The following NWD1 variants were observed in gnomAD, a reference collection of about 807,000 sequenced individuals.
The protein encoded by NWD1 is NACHT domain- and WD repeat-containing protein 1.
In NWD1, 129 loss-of-function variants were observed where a neutral mutation model predicts 135.1. The ratio of observed to expected loss-of-function variants is 0.96; its 90% confidence interval spans 0.83 to 1.11. NWD1 has a LOEUF of 1.11. NWD1 is among the 50% of genes least tolerant of loss of function. The pLI, the probability that NWD1 is intolerant of heterozygous loss-of-function variation, is 0.00. For synonymous variants in NWD1, 773 were observed against 786.0 expected (o/e 0.98, Z 0.28); for missense variants, 1,740 against 1,851.3 (o/e 0.94, Z 1.10).
chr19:16,746,450 G>A (rs1057429065), intron 5 of NWD1, among the ~76,000 whole-genome samples: 1 of 152,142 alleles, frequency 6.6e-6, no homozygotes, highest in South Asian at 2.1e-4. Flanking sequence ...TGAGGCAGAC[G>A]GATCACGAGG....
intron 6 of NWD1, among the ~76,000 whole-genome samples, chr19:16,758,465 A>G (rs1237321776): frequency 6.6e-6 from 1 of 151,918 alleles, no homozygotes; most frequent in Non-Finnish European, 1.5e-5. Flanking sequence ...TTTTGTAGAG[A>G]TGGGGTCTCC....
chr19:16,728,281 C>CTT (rs397859118), intron 2 of NWD1, among the ~76,000 whole-genome samples: 3,945 of 119,852 alleles, frequency 0.033, 150 homozygotes, highest in Non-Finnish European at 0.044. Flanking sequence ...GGTCACTGCT[C>CTT]TTTTTTTTTT....
At chr19:16,745,635 G>T (rs1015552628) in intron 5 of NWD1, among the ~76,000 whole-genome samples, 1 of 152,124 alleles carries the variant, frequency 6.6e-6, no homozygotes, top group Admixed American at 6.6e-5. Flanking sequence ...AGCCACTCAG[G>T]AGGCTGAGGC....
At chr19:16,745,170 C>T (rs903878081) in intron 5 of NWD1, 12 of 419,730 alleles carry the variant, frequency 2.9e-5, no homozygotes, top group African/African-American at 1.8e-4. Flanking sequence ...GAGAGCCAAG[C>T]GAAAGGGGAA....
intron 4 of NWD1, among the ~76,000 whole-genome samples, chr19:16,744,067 T>C (rs1968199182): frequency 6.6e-6 from 1 of 152,114 alleles, no homozygotes; most frequent in Non-Finnish European, 1.5e-5. Flanking sequence ...GCTAGAGTCA[T>C]TTACTTATAT....
At chr19:16,746,022 T>G (rs1252836353) in intron 5 of NWD1, among the ~76,000 whole-genome samples, 1 of 152,134 alleles carries the variant, frequency 6.6e-6, no homozygotes, top group African/African-American at 2.4e-5. Context: ...GTATAACTTT[T>G]GACTCCCCCA....
At chr19:16,729,751 C>T (rs1029150006) in intron 2 of NWD1, among the ~76,000 whole-genome samples, 19 of 151,750 alleles carry the variant, frequency 1.3e-4, no homozygotes, top group African/African-American at 4.4e-4. Context: ...CGCCTGTAAT[C>T]CCAGCTACTC....
At chr19:16,774,064 A>G (rs1378862753) in intron 11 of NWD1, among the ~76,000 whole-genome samples, 1 of 149,196 alleles carries the variant, frequency 6.7e-6, no homozygotes, top group Non-Finnish European at 1.5e-5. Flanking sequence ...TCATCTATCC[A>G]TCCATCCATC....
At chr19:16,738,124 T>G (rs1188659456) in intron 4 of NWD1, 1 of 369,174 alleles carries the variant, frequency 2.7e-6, no homozygotes, top group Non-Finnish European at 5.5e-6. Context: ...GTTTACACAT[T>G]GTTTAGCCCT....
At chr19:16,745,623 C>T (rs1968280318) in intron 5 of NWD1, among the ~76,000 whole-genome samples, 1 of 152,068 alleles carries the variant, frequency 6.6e-6, no homozygotes, top group African/African-American at 2.4e-5. Flanking sequence ...GCCTGTAGTC[C>T]CAGCCACTCA....
At chr19:16,731,339 G>T in intron 3 of NWD1, 61 bp downstream of exon 3, 1 of 1,026,846 alleles carries the variant, frequency 9.7e-7, no homozygotes, top group East Asian at 2.6e-5. Flanking sequence ...CGTAGTTCTT[G>T]CTCTGTCGCC....
rs1383094348 is a variant in NWD1, at chr19:16,789,137, A to C, written c.2887A>C (p.Asn963His). 1.2e-6 allele frequency: 2 copies of C among 1,613,988 alleles called. No homozygotes were observed. The highest frequency in any genetic ancestry group is 1.3e-5 in the African/African-American group (1 of 74,926). Residue 963 changes from asparagine to histidine, a missense_variant, in exon 13 of 19, where the codon AAC becomes CAC. Asn to His is a moderately conservative substitution (Grantham distance 68). Coordinates refer to ENST00000524140, the MANE Select transcript of NWD1 (RefSeq NM_001007525.5). ...AAATCCCGCTGAACCTCAGATCTGG[A>C]ACCTTCATGTGGATGAGGCACACAA... ...SKNPAEPQIW[N>H]LHVDEAHKVV... is the part of the protein sequence containing the mutation.
chr19:16,720,322 G>A (rs1967090511), intron 1 of NWD1, 29 bp downstream of exon 1: 1 of 152,174 alleles, frequency 6.6e-6, no homozygotes, highest in African/African-American at 2.4e-5. Flanking sequence ...ATTAAAATAA[G>A]GCGATGGCAT....
intron 6 of NWD1, among the ~76,000 whole-genome samples, chr19:16,751,487 AG>A (rs1449775992): frequency 4.6e-5 from 7 of 151,660 alleles, no homozygotes; most frequent in African/African-American, 1.7e-4. Flanking sequence ...AGAGAAAGGA[AG>A]GAAGGAAGGA....
At chr19:16,783,874 G>A (rs1052427808) in intron 12 of NWD1, among the ~76,000 whole-genome samples, 1 of 151,984 alleles carries the variant, frequency 6.6e-6, no homozygotes, top group Non-Finnish European at 1.5e-5. Context: ...TACATAGCAC[G>A]TATGCCATAT....
At position 16,791,413 on chromosome 19, in the gene NWD1, C is replaced by T; in HGVS notation, c.3004C>T (p.Pro1002Ser). 1 of 1,614,074 alleles carries T rather than the reference C, an allele frequency of 6.2e-7. No homozygotes were observed. The highest frequency in any genetic ancestry group is 8.5e-7 in the Non-Finnish European group (1 of 1,179,954). Residue 1002 changes from proline to serine, a missense_variant, in exon 14 of 19, where the codon CCT becomes TCT. Physicochemically the swap from Pro to Ser is moderately conservative, Grantham distance 74. Transcript: ENST00000524140. ...VFHILGDASD[P>S]WMCMAVLASQ... ...CCATATCCTGGGAGATGCCTCTGATCCTTGGATGTGCATGGCCGTGCTGGC... is the reference window on the plus strand; with the variant it reads ...CCATATCCTGGGAGATGCCTCTGATTCTTGGATGTGCATGGCCGTGCTGGC...
chr19:16,796,149 A>G (rs1390834031), intron 15 of NWD1, among the ~76,000 whole-genome samples: 1 of 152,072 alleles, frequency 6.6e-6, no homozygotes, highest in Non-Finnish European at 1.5e-5. Context: ...CAATTGGTTA[A>G]AAAGCATTAT....
At chr19:16,787,850 A>G (rs922143522) in intron 12 of NWD1, among the ~76,000 whole-genome samples, 2 of 148,772 alleles carry the variant, frequency 1.3e-5, no homozygotes, top group African/African-American at 5.0e-5. Context: ...ACAGAGCAAG[A>G]CTCCATCTCA....
In NWD1 at chr19:16,749,170, G is replaced by C. The variant is rs751190666; in HGVS notation, c.528G>C (p.Leu176=). 1.2e-6 allele frequency: 2 copies of C among 1,611,604 alleles called. No homozygotes were observed. The highest frequency in any genetic ancestry group is 1.1e-5 in the South Asian group (1 of 90,786). The part of the protein sequence containing the change: ...VIEWEIERSL[L]SSEDREQGAT... ...AGTGGGAGATAGAGCGGAGCCTGCT[G>C]AGCTCAGAGGACCGGGAACAGGGAG... is the stretch of plus-strand genomic sequence containing the variant. Residue 176 remains leucine (L), a synonymous_variant, in exon 6 of 19, where the codon CTG becomes CTC. Coordinates refer to ENST00000524140, the MANE Select transcript of NWD1 (RefSeq NM_001007525.5).
Sources: allele counts gnomAD v4.1 joint callset (sites outside exome capture counted in the v4.1 genomes callset), GRCh38; gene constraint gnomAD v4.1.1; transcripts MANE v1.5; gene names NCBI Gene and HGNC (gene_info 2026-07-23, HGNC 2026-07-21).